MAML1: variants seen among roughly 807,000 people sequenced by gnomAD.
MAML1 encodes the protein mastermind-like protein 1.
Under a neutral mutation model 77.1 loss-of-function variants are expected in MAML1, and 14 were observed. The observed-to-expected ratio is 0.18, with a 90% CI of 0.12 to 0.28. The LOEUF is 0.28. MAML1 is among the 10% of genes least tolerant of loss of function. The pLI, the probability that MAML1 is intolerant of heterozygous loss-of-function variation, is 1.00. For missense variants in MAML1, 1,217 were observed against 1,327.8 expected, an observed-to-expected ratio of 0.92 and a Z score of 1.30; for synonymous variants, 516 against 551.9, an observed-to-expected ratio of 0.93 and a Z score of 0.91.
At chr5:179,768,657 G>A (rs949425520) in intron 2 of MAML1, among the ~76,000 whole-genome samples, 193 bp from the exon 3 acceptor site, 2 of 152,174 alleles carry the variant, frequency 1.3e-5, no homozygotes, top group Non-Finnish European at 1.5e-5. Flanking sequence ...GTAATTGTTC[G>A]TTGCTAGGCG....
chr5:179,746,052 C>CA (rs1308676402), intron 1 of MAML1, among the ~76,000 whole-genome samples: 3 of 145,918 alleles, frequency 2.1e-5, no homozygotes, highest in Non-Finnish European at 3.0e-5. Context: ...AAAACAAAAC[C>CA]AAAAAAAATG....
chr5:179,755,807 C>T (rs1262379738), intron 1 of MAML1, among the ~76,000 whole-genome samples: 2 of 151,346 alleles, frequency 1.3e-5, no homozygotes, highest in African/African-American at 4.9e-5. Context: ...TTCTGTCACC[C>T]ATGCTTGAAT....
At chr5:179,764,558 G>A (rs989902892) in intron 1 of MAML1, among the ~76,000 whole-genome samples, 8 of 152,092 alleles carry the variant, frequency 5.3e-5, no homozygotes, top group African/African-American at 1.9e-4. Flanking sequence ...TACTCTGGAG[G>A]CTGAGGCAGG....
chr5:179,749,591 C>G lies in MAML1; in HGVS notation c.316-15735C>G, dbSNP rs145226754. Among the ~76,000 whole-genome samples the G allele has an allele frequency of 1.3e-4, 20 of 152,258 alleles. No homozygotes were observed. The East Asian group carries it at 3.9e-3, about 29-fold the overall frequency. ...AGGTTTAAAAAATTTAAATGTCATA[C>G]TCCTTCTCAAGAAGCTACTGGAAGA... On this transcript the variant is annotated intron_variant, in intron 1 of 4. Coordinates refer to ENST00000292599, the MANE Select transcript of MAML1 (RefSeq NM_014757.5).
chr5:179,768,671 G>A (rs1305736053), intron 2 of MAML1, among the ~76,000 whole-genome samples, 179 bp from the exon 3 acceptor site: 2 of 152,238 alleles, frequency 1.3e-5, no homozygotes, highest in Admixed American at 6.5e-5. Flanking sequence ...CTAGGCGCCT[G>A]TATGCTCAGA....
chr5:179,742,216 C>T (rs901302980), intron 1 of MAML1, among the ~76,000 whole-genome samples: 13 of 150,432 alleles, frequency 8.6e-5, no homozygotes, highest in African/African-American at 2.9e-4. Context: ...TGGCCAGGCA[C>T]GGTGGCTCAT....
rs1756103343 is a variant in MAML1, at chr5:179,774,999, A to G, written c.*122A>G. On this transcript the variant is annotated 3_prime_UTR_variant, in exon 5 of 5. Coordinates refer to ENST00000292599, the MANE Select transcript of MAML1 (RefSeq NM_014757.5). ...CTGGGGAGCTGGGCAGGTAGAGCCC[A>G]AGCTCCAGGTGAGGCCTGGCCCTGG... The G allele has an allele frequency of 1.3e-6, 2 of 1,482,742 alleles. No homozygotes were observed. Among genetic ancestry groups the G allele is most frequent in the Non-Finnish European group, 1.8e-6 (2 of 1,125,308 alleles). The allele number at this position is 1,482,742 out of a possible 1,614,324, so 91.8% of individuals were successfully genotyped here. A position where few individuals can be genotyped will look rare whatever the true frequency, so the allele number is the denominator to read the frequency against.
intron 1 of MAML1, among the ~76,000 whole-genome samples, chr5:179,762,021 A>T (rs1779733642): frequency 6.6e-6 from 1 of 152,180 alleles, no homozygotes; most frequent in Admixed American, 6.6e-5. Flanking sequence ...AAATTTCCTG[A>T]TGAGTAGGGC....
chr5:179,774,145 G>C lies in MAML1; in HGVS notation c.2319G>C (p.Gln773His). ...AGATAGTTGCCCAGCCCCCGCCACA[G>C]GCCACCAATGGACATGCCCACATTC... ...ITQIVAQPPP[Q>H]ATNGHAHIPR... Residue 773 changes from glutamine (Q) to histidine (H), a missense_variant, in exon 5 of 5, where the codon CAG (glutamine) becomes CAC (histidine). Around this residue, in one of 3 missense-constraint regions of MAML1, gnomAD observed 884 missense variants for 949.3 expected, o/e 0.93. Transcript: ENST00000292599. The C allele has an allele frequency of 6.2e-7, 1 of 1,613,554 alleles. No homozygotes were observed. The highest frequency in any genetic ancestry group is 8.5e-7 in the Non-Finnish European group (1 of 1,180,016).
intron 1 of MAML1, among the ~76,000 whole-genome samples, chr5:179,742,713 A>G (rs1779306592): frequency 6.6e-6 from 1 of 151,928 alleles, no homozygotes; most frequent in South Asian, 2.1e-4. Flanking sequence ...AGGCTGAGGC[A>G]GGAGGCAGGA....
At chr5:179,757,403 A>G (rs1779642312) in intron 1 of MAML1, among the ~76,000 whole-genome samples, 1 of 152,028 alleles carries the variant, frequency 6.6e-6, no homozygotes, top group Non-Finnish European at 1.5e-5. Flanking sequence ...CCCCGTCTCT[A>G]CTAAAAATAC....
At chr5:179,734,250 G>C (rs576757573) in intron 1 of MAML1, among the ~76,000 whole-genome samples, 1 of 152,260 alleles carries the variant, frequency 6.6e-6, no homozygotes, top group Non-Finnish European at 1.5e-5. Flanking sequence ...TTTGTTATGT[G>C]TATTTTTAAA....
chr5:179,744,430 C>T (rs192885382), intron 1 of MAML1, among the ~76,000 whole-genome samples: 5 of 152,234 alleles, frequency 3.3e-5, no homozygotes, highest in East Asian at 3.9e-4. Flanking sequence ...TCATGATCCA[C>T]CTGCCTCGGC....
intron 1 of MAML1, among the ~76,000 whole-genome samples, chr5:179,752,178 T>C (rs961961318): frequency 2.0e-5 from 3 of 150,772 alleles, no homozygotes; most frequent in African/African-American, 7.3e-5. Context: ...ATACAGAAAT[T>C]AGCTGGGTGT....
At chr5:179,743,798 T>TA (rs1162505906) in intron 1 of MAML1, among the ~76,000 whole-genome samples, 1 of 152,192 alleles carries the variant, frequency 6.6e-6, no homozygotes, top group East Asian at 1.9e-4. Context: ...TTAAATTAAA[T>TA]ATATGAAATA....
intron 4 of MAML1, among the ~76,000 whole-genome samples, chr5:179,773,364 C>T (rs1300733062): frequency 6.6e-6 from 1 of 152,280 alleles, no homozygotes; most frequent in African/African-American, 2.4e-5. Flanking sequence ...CTGGAATGCT[C>T]TTTTTCCCCA....
rs1581948563 is a variant in MAML1, at chr5:179,771,890, C to T, written c.2068+647C>T. On this transcript the variant is annotated intron_variant, in intron 4 of 4. Coordinates refer to ENST00000292599, the MANE Select transcript of MAML1 (RefSeq NM_014757.5). The surrounding 1 kb of genome is among the most constrained non-coding windows in gnomAD (Gnocchi z 4.7). ...ACCTCTGTTTTTCCTTATTTGGGACCTTGCTATAAAGGGTCCCAGAGAGAC... is the reference window on the plus strand; with the variant it reads ...ACCTCTGTTTTTCCTTATTTGGGACTTTGCTATAAAGGGTCCCAGAGAGAC... Among the ~76,000 whole-genome samples the T allele has an allele frequency of 6.6e-6, 1 of 152,110 alleles. No homozygotes were observed. Among genetic ancestry groups the T allele is most frequent in the Admixed American group, 6.6e-5 (1 of 15,266 alleles).
chr5:179,768,962 A>G lies in MAML1; in HGVS notation c.1844A>G (p.Gln615Arg), dbSNP rs979842373. 6.2e-7 allele frequency: 1 copy of G among 1,614,080 alleles called. No homozygotes were observed. ...SHNSSPYLSS[Q>R]QQAAVMKQHQ... ...AACAGCTCCCCCTATCTCAGCAGCCAGCAACAGGCCGCTGTAATGAAGCAG... is the reference window on the plus strand; with the variant it reads ...AACAGCTCCCCCTATCTCAGCAGCCGGCAACAGGCCGCTGTAATGAAGCAG... Residue 615 changes from glutamine (Q) to arginine (R), a missense_variant, in exon 3 of 5, where the codon CAG becomes CGG. Gln to Arg is a conservative substitution (Grantham distance 43, BLOSUM62 1). Around this residue, in one of 3 missense-constraint regions of MAML1, gnomAD observed 884 missense variants for 949.3 expected, o/e 0.93. Coordinates refer to ENST00000292599, the MANE Select transcript of MAML1 (RefSeq NM_014757.5).
intron 1 of MAML1, among the ~76,000 whole-genome samples, chr5:179,746,809 C>T (rs746192487): frequency 3.3e-5 from 5 of 152,242 alleles, no homozygotes; most frequent in East Asian, 3.9e-4. Context: ...AGAAACCATC[C>T]GACTTGCAAA....
Sources: allele counts gnomAD v4.1 joint callset (sites outside exome capture counted in the v4.1 genomes callset), GRCh38; gene constraint gnomAD v4.1.1; regional missense constraint gnomAD v4.1.1; non-coding constraint Gnocchi (gnomAD v3.1); transcripts MANE v1.5; gene names NCBI Gene and HGNC (gene_info 2026-07-23, HGNC 2026-07-21).